The following WDR41 variants were observed in gnomAD, a reference collection of about 807,000 sequenced individuals.
The protein encoded by WDR41 is WD repeat-containing protein 41.
Under a neutral mutation model 69.3 loss-of-function variants are expected in WDR41, and 63 were observed. The observed-to-expected ratio is 0.91, with a 90% CI of 0.74 to 1.12. The LOEUF is 1.12. Ranked by LOEUF, WDR41 falls within the 50% of genes most tolerant of loss-of-function variation. The pLI is 0.00. For synonymous variants in WDR41, 185 were observed against 192.1 expected (o/e 0.96, Z 0.31); for missense variants, 543 against 534.5 (o/e 1.02, Z -0.16).
At chr5:77,591,208 C>A (rs917074732) in intron 1 of WDR41, among the ~76,000 whole-genome samples, 2 of 152,034 alleles carry the variant, frequency 1.3e-5, no homozygotes, top group African/African-American at 4.8e-5. Context: ...TATATAACAT[C>A]CTCCTTATTG....
At chr5:77,577,633 C>T (rs1743858267) in intron 1 of WDR41, among the ~76,000 whole-genome samples, 1 of 152,066 alleles carries the variant, frequency 6.6e-6, no homozygotes, top group African/African-American at 2.4e-5. Flanking sequence ...GATGTTTACC[C>T]TAGAGAAACT....
At chr5:77,594,271 G>A (rs4585425) in intron 1 of WDR41, among the ~76,000 whole-genome samples, 2 of 124,660 alleles carry the variant, frequency 1.6e-5, no homozygotes, top group Admixed American at 1.7e-4. Context: ...GTTGTGGGGT[G>A]GGGGGAGGGG....
intron 1 of WDR41, among the ~76,000 whole-genome samples, chr5:77,607,937 A>G (rs1744457271): frequency 6.6e-6 from 1 of 152,202 alleles, no homozygotes; most frequent in Non-Finnish European, 1.5e-5. Flanking sequence ...ACTTTATAGA[A>G]CTACTTTTTT....
rs369660972 is a variant in WDR41, at chr5:77,545,188, T to C, written c.43-55616A>G. Among the ~76,000 whole-genome samples, 4 of 151,918 alleles carry C rather than the reference T, an allele frequency of 2.6e-5. No homozygotes were observed. In the East Asian group the frequency reaches 7.8e-4, roughly 29 times the overall value. ...AAGGCAGTGCTAAGAGGAAAGTTCCTAGCCCTAAATGCCTACATCAAAAAG... is the reference window on the plus strand; with the variant it reads ...AAGGCAGTGCTAAGAGGAAAGTTCCCAGCCCTAAATGCCTACATCAAAAAG... On this transcript the variant is annotated intron_variant, in intron 1 of 5. Transcript: ENST00000509971.
intron 1 of WDR41, among the ~76,000 whole-genome samples, chr5:77,588,762 T>C (rs1561232525): frequency 1.3e-5 from 2 of 152,236 alleles, no homozygotes; most frequent in Admixed American, 6.5e-5. Context: ...AACTGATCAA[T>C]ACATAACCTT....
At chr5:77,484,137 G>A (rs770099311) in intron 2 of WDR41, among the ~76,000 whole-genome samples, 8 of 152,142 alleles carry the variant, frequency 5.3e-5, no homozygotes, top group Admixed American at 1.3e-4. Flanking sequence ...TTGATTCTAT[G>A]CTAATGCATG....
At chr5:77,511,547 C>G (rs1402794257) in intron 1 of WDR41, among the ~76,000 whole-genome samples, 2 of 152,172 alleles carry the variant, frequency 1.3e-5, no homozygotes, top group African/African-American at 2.4e-5. Context: ...TCAGCCAACA[C>G]TGTATCACAT....
chr5:77,435,111 C>T (rs335624), intron 12 of WDR41, among the ~76,000 whole-genome samples: 82,585 of 151,892 alleles, frequency 0.54, 22,779 homozygotes, highest in African/African-American at 0.63. Context: ...TGCCCTTCTG[C>T]CTACCACAGT....
At chr5:77,589,169 G>A (rs1199925834) in intron 1 of WDR41, among the ~76,000 whole-genome samples, 1 of 152,070 alleles carries the variant, frequency 6.6e-6, no homozygotes, top group South Asian at 2.1e-4. Flanking sequence ...TGATTTGGGG[G>A]TTACAAATAA....
intron 1 of WDR41, among the ~76,000 whole-genome samples, chr5:77,512,355 A>AGAGAGAGAGAGAGAGAGT (rs1335024335): frequency 5.2e-4 from 62 of 119,376 alleles, no homozygotes; most frequent in Non-Finnish European, 8.1e-4. Context: ...AGAGAGAGTG[A>AGAGAGAGAGAGAGAGAGT]GTGTGTGTGT....
At chr5:77,475,631 T>A (rs1230375534) in intron 2 of WDR41, among the ~76,000 whole-genome samples, 5 of 151,906 alleles carry the variant, frequency 3.3e-5, no homozygotes, top group Non-Finnish European at 7.4e-5. Flanking sequence ...GAAGGAAAAC[T>A]AACAAACACA....
At chr5:77,546,408 ATAAGCTCAG>A (rs1196983903) in intron 1 of WDR41, 1 of 190,114 alleles carries the variant, frequency 5.3e-6, no homozygotes, top group Non-Finnish European at 1.1e-5. Flanking sequence ...AAAAATCCAA[ATAAGCTCAG>A]TAAGAAATGA....
chr5:77,582,872 G>T (rs1475243352), intron 1 of WDR41: 50 of 1,605,332 alleles, frequency 3.1e-5, no homozygotes, highest in Non-Finnish European at 3.7e-5. Flanking sequence ...AATAAGAAGC[G>T]AATTGCTTTG....
chr5:77,534,246 A>T (rs1742921153), intron 1 of WDR41, among the ~76,000 whole-genome samples: 1 of 152,184 alleles, frequency 6.6e-6, no homozygotes, highest in Non-Finnish European at 1.5e-5. Context: ...CTTTAAATTT[A>T]CATAGGTCCT....
At chr5:77,517,213 A>G (rs534180549) in intron 1 of WDR41, among the ~76,000 whole-genome samples, 1 of 152,232 alleles carries the variant, frequency 6.6e-6, no homozygotes, top group South Asian at 2.1e-4. Context: ...ATTGGTAACA[A>G]TAAAGATGGA....
intron 1 of WDR41, among the ~76,000 whole-genome samples, chr5:77,584,730 A>G (rs576347485): frequency 6.6e-6 from 1 of 152,274 alleles, no homozygotes; most frequent in Admixed American, 6.5e-5. Context: ...GGCAAAAGAC[A>G]TCCTACTCAG....
intron 1 of WDR41, among the ~76,000 whole-genome samples, chr5:77,578,338 A>C (rs1410260579): frequency 1.3e-5 from 2 of 152,168 alleles, no homozygotes; most frequent in East Asian, 3.9e-4. Context: ...TGAGTCAGAA[A>C]ACCAGCAAAC....
At chr5:77,560,030 C>T (rs1437039709) in intron 1 of WDR41, among the ~76,000 whole-genome samples, 1 of 152,066 alleles carries the variant, frequency 6.6e-6, no homozygotes, top group African/African-American at 2.4e-5. Flanking sequence ...ATCCCTTCCA[C>T]AATTAATTAT....
At chr5:77,448,399 A>C (rs1799471213) in intron 8 of WDR41, among the ~76,000 whole-genome samples, 1 of 152,180 alleles carries the variant, frequency 6.6e-6, no homozygotes, top group Non-Finnish European at 1.5e-5. Flanking sequence ...CCTTAGAAAG[A>C]CCTGCAGCTG....
Sources: gnomAD v4.1 joint callset for allele counts (sites outside exome capture counted in the v4.1 genomes callset) on GRCh38, gnomAD v4.1.1 for gene constraint, MANE v1.5 for transcripts, NCBI Gene and HGNC (gene_info 2026-07-23, HGNC 2026-07-21) for gene names.